Variants in SEMA6A observed in about 807,000 individuals in gnomAD.
SEMA6A encodes the protein semaphorin-6A.
A neutral mutation model predicts 96.8 loss-of-function variants in SEMA6A; 25 were observed. The ratio of observed to expected loss-of-function variants is 0.26; its 90% CI spans 0.19 to 0.36. The LOEUF (loss-of-function observed/expected upper bound fraction) is 0.36. SEMA6A is among the 10% of genes least tolerant of loss of function. SEMA6A has a pLI of 1.00. For missense variants in SEMA6A, 1,363 were observed against 1,323.1 expected (o/e 1.03, Z -0.47); for synonymous variants, 612 against 518.0 (o/e 1.18, Z -2.46).
rs542461323 is a variant in SEMA6A, at chr5:116,465,036, A to G, written c.1894+2547T>C. On this transcript the variant is annotated intron_variant, in intron 18 of 18. Transcript: ENST00000343348. ...TATTTAGCTCCTAAAGCTGGGGCAC[A>G]CAAATGTCACATTCTCATGAGACAA... 1.4e-4 allele frequency among the ~76,000 whole-genome samples: 22 copies of G among 152,306 alleles called. No homozygotes were observed. The South Asian group carries it at 4.4e-3, about 30-fold the overall frequency.
rs116237478 is a variant in SEMA6A at position 116,445,640 on chromosome 5, T to G, written c.*973A>C. ...TTTGCATGTTTATAGGCCAGAGACC[T>G]GACCAGGCAATGAACTGATAGATTT... is the stretch of plus-strand genomic sequence containing the variant. On this transcript the variant is annotated 3_prime_UTR_variant, in exon 19 of 19. Transcript: ENST00000343348. 1.6e-3 allele frequency: 245 copies of G among 152,644 alleles called. No individual in the cohort carries two copies. Among genetic ancestry groups the G allele is most frequent in the Non-Finnish European group, 2.4e-3 (164 of 68,028 alleles). The allele number at this position is 152,644 out of a possible 1,614,324, so 9.5% of individuals were successfully genotyped here. A position where few individuals can be genotyped will look rare whatever the true frequency, so the allele number is the denominator to read the frequency against.
chr5:116,531,995 G>C (rs1446729489), intron 1 of SEMA6A, among the ~76,000 whole-genome samples: 1 of 152,156 alleles, frequency 6.6e-6, no homozygotes. Flanking sequence ...CACAGAGGTA[G>C]GGACCACCTG....
At chr5:116,488,774 G>T (rs1757186918) in intron 8 of SEMA6A, 114 bp downstream of exon 8, 3 of 1,264,420 alleles carry the variant, frequency 2.4e-6, no homozygotes, top group African/African-American at 1.5e-5. Flanking sequence ...GTTTCTGTCT[G>T]TCAGAAGCCA....
intron 1 of SEMA6A, among the ~76,000 whole-genome samples, chr5:116,516,280 T>A (rs1758664880): frequency 6.6e-6 from 1 of 152,218 alleles, no homozygotes; most frequent in African/African-American, 2.4e-5. Flanking sequence ...ATATACACAG[T>A]ACATTTTCTG....
intron 18 of SEMA6A, among the ~76,000 whole-genome samples, chr5:116,467,188 C>G (rs1277425552): frequency 6.6e-6 from 1 of 152,116 alleles, no homozygotes; most frequent in African/African-American, 2.4e-5. Context: ...TTAACAGGGC[C>G]TTTACTTCAA....
intron 1 of SEMA6A, among the ~76,000 whole-genome samples, chr5:116,530,836 C>T (rs956685883): frequency 2.0e-5 from 3 of 152,074 alleles, no homozygotes; most frequent in Admixed American, 6.6e-5. Context: ...TCTCTCTGCC[C>T]AAGAGGAATT....
chr5:116,497,933 C>T (rs891119569), intron 3 of SEMA6A, among the ~76,000 whole-genome samples: 2 of 152,158 alleles, frequency 1.3e-5, no homozygotes, highest in African/African-American at 4.8e-5. Context: ...CACTCTTTTC[C>T]CTCATAATGA....
chr5:116,569,695 C>A (rs1761132627), intron 1 of SEMA6A, among the ~76,000 whole-genome samples: 1 of 152,106 alleles, frequency 6.6e-6, no homozygotes, highest in South Asian at 2.1e-4. Context: ...GTGGAGCCAA[C>A]AGCATTGCAG....
chr5:116,524,487 A>G (rs1759114491), intron 1 of SEMA6A, among the ~76,000 whole-genome samples: 1 of 152,166 alleles, frequency 6.6e-6, no homozygotes, highest in African/African-American at 2.4e-5. Context: ...TATCCAGTTC[A>G]TACTCCTTTT....
At chr5:116,563,780 T>C (rs1471941871) in intron 1 of SEMA6A, among the ~76,000 whole-genome samples, 4 of 152,366 alleles carry the variant, frequency 2.6e-5, no homozygotes, top group Non-Finnish European at 5.9e-5. Flanking sequence ...ATGTCTTTTG[T>C]TGTTGTTTAA....
At chr5:116,551,157 GA>G (rs1760387870) in intron 1 of SEMA6A, among the ~76,000 whole-genome samples, 1 of 152,074 alleles carries the variant, frequency 6.6e-6, no homozygotes, top group Non-Finnish European at 1.5e-5. Flanking sequence ...TGACCAAATA[GA>G]ACATGGGTGA....
rs1395069800 is a variant in SEMA6A at position 116,574,312 on chromosome 5, C to T, written c.-166G>A. 6.6e-6 allele frequency: 1 copy of T among 152,544 alleles called. No homozygotes were observed. The highest frequency in any genetic ancestry group is 2.4e-5 in the African/African-American group (1 of 41,366). The allele number at this position is 152,544 out of a possible 1,614,324, so 9.4% of individuals were successfully genotyped here. On this transcript the variant is annotated 5_prime_UTR_variant, in exon 1 of 19. Coordinates refer to ENST00000343348, the MANE Select transcript of SEMA6A (RefSeq NM_020796.5). ...GGGCTGCGCTCTCTCCTTCGCAAGC[C>T]TTTGTCATTCCTACATGTGTGCTTG... is the stretch of plus-strand genomic sequence containing the variant.
intron 1 of SEMA6A, among the ~76,000 whole-genome samples, chr5:116,522,881 T>G (rs1390507877): frequency 2.0e-5 from 3 of 152,144 alleles, no homozygotes. Context: ...ACCTGACATT[T>G]TAAAAGCTGA....
At chr5:116,506,254 C>G (rs892853040) in intron 1 of SEMA6A, among the ~76,000 whole-genome samples, 1 of 152,194 alleles carries the variant, frequency 6.6e-6, no homozygotes, top group Non-Finnish European at 1.5e-5. Context: ...TATAATTTCA[C>G]ACACACAGCT....
At chr5:116,461,072 A>G (rs1444592055) in intron 18 of SEMA6A, among the ~76,000 whole-genome samples, 1 of 152,160 alleles carries the variant, frequency 6.6e-6, no homozygotes, top group African/African-American at 2.4e-5. Flanking sequence ...ATACTGATGA[A>G]CTAAATATTA....
intron 1 of SEMA6A, among the ~76,000 whole-genome samples, chr5:116,523,654 C>G (rs1759073462): frequency 1.3e-5 from 2 of 152,094 alleles, no homozygotes; most frequent in Non-Finnish European, 2.9e-5. Flanking sequence ...ATGCATAAAA[C>G]TGAGTATAGA....
At position 116,458,034 on chromosome 5, in the gene SEMA6A, C is replaced by CCCTCTG. The variant is rs529923976; in HGVS notation, c.1894+9543_1894+9548dup. The stretch of plus-strand genomic sequence containing the variant: ...AAATTACCTGATTTCCACTGTTTTG[C>CCCTCTG]CCTCTGTGGACTAGTTTGTCTATGG... On this transcript the variant is annotated intron_variant, in intron 18 of 18. Coordinates refer to ENST00000343348, the MANE Select transcript of SEMA6A (RefSeq NM_020796.5). Among the ~76,000 whole-genome samples, 509 of 152,214 alleles carry CCCTCTG rather than the reference C, an allele frequency of 3.3e-3. 5 individuals are homozygous for CCCTCTG. Among genetic ancestry groups the CCCTCTG allele is most frequent in the African/African-American group, 0.011 (466 of 41,520 alleles).
chr5:116,470,633 C>G (rs988231881), intron 17 of SEMA6A, among the ~76,000 whole-genome samples: 4 of 152,070 alleles, frequency 2.6e-5, no homozygotes, highest in East Asian at 1.9e-4. Flanking sequence ...GGAAAATAAT[C>G]AGGGCCCAAT....
intron 18 of SEMA6A, among the ~76,000 whole-genome samples, chr5:116,453,361 A>T (rs1754774678): frequency 6.6e-6 from 1 of 152,240 alleles, no homozygotes; most frequent in African/African-American, 2.4e-5. Flanking sequence ...AAGTGTCCCC[A>T]GAGCTCTGCA....
Sources: gnomAD v4.1 joint callset for allele counts (sites outside exome capture counted in the v4.1 genomes callset) on GRCh38, gnomAD v4.1.1 for gene constraint, MANE v1.5 for transcripts, NCBI Gene and HGNC (gene_info 2026-07-23, HGNC 2026-07-21) for gene names.